ZEB1: variants seen among roughly 807,000 people sequenced by gnomAD.
ZEB1 encodes the protein zinc finger E-box binding homeobox 1.
Under a neutral mutation model 84.9 loss-of-function variants are expected in ZEB1, and 21 were observed. The observed-to-expected ratio is 0.25, with a 90% CI of 0.18 to 0.36. ZEB1 has a LOEUF of 0.36. Ranked by LOEUF, ZEB1 falls within the 10% of genes least tolerant of loss-of-function variation. The probability of loss-of-function intolerance (pLI) is 1.00; values close to 1 mark genes in which losing one functional copy is unlikely to be tolerated. For missense variants in ZEB1, 1,104 were observed against 1,330.2 expected, an observed-to-expected ratio of 0.83 and a Z score of 2.65; for synonymous variants, 420 against 471.1, an observed-to-expected ratio of 0.89 and a Z score of 1.41.
intron 1 of ZEB1, among the ~76,000 whole-genome samples, chr10:31,351,275 T>C (rs2133864929): frequency 6.6e-6 from 1 of 152,332 alleles, no homozygotes; most frequent in East Asian, 1.9e-4. Context: ...CAAAATAGGA[T>C]TTTATTTCTG....
At chr10:31,413,832 C>T (rs572062991) in intron 1 of ZEB1, among the ~76,000 whole-genome samples, 4 of 152,170 alleles carry the variant, frequency 2.6e-5, no homozygotes, top group South Asian at 4.2e-4. Context: ...AATTTCATAG[C>T]GATTAACTTG....
At chr10:31,420,372 C>T (rs560877916) in intron 1 of ZEB1, among the ~76,000 whole-genome samples, 2 of 152,232 alleles carry the variant, frequency 1.3e-5, no homozygotes, top group South Asian at 2.1e-4. Flanking sequence ...AGCTCAGGGT[C>T]CTCTTCCAAG....
intron 4 of ZEB1, among the ~76,000 whole-genome samples, chr10:31,506,058 T>C (rs2068925412): frequency 6.6e-6 from 1 of 152,078 alleles, no homozygotes; most frequent in Non-Finnish European, 1.5e-5. Context: ...TTAATTTTCA[T>C]GTGTGTGTAG....
intron 2 of ZEB1, among the ~76,000 whole-genome samples, chr10:31,470,764 G>C (rs1446285825): frequency 7.2e-6 from 1 of 138,424 alleles, no homozygotes; most frequent in East Asian, 2.1e-4. Context: ...ATAATTGTCA[G>C]ATTCACCAAA....
At chr10:31,474,586 A>T (rs1591659021) in intron 2 of ZEB1, among the ~76,000 whole-genome samples, 1 of 152,156 alleles carries the variant, frequency 6.6e-6, no homozygotes, top group African/African-American at 2.4e-5. Flanking sequence ...GATGTGGAGA[A>T]ATAGGAACAC....
At chr10:31,326,274 G>A (rs991387929) in intron 1 of ZEB1, among the ~76,000 whole-genome samples, 2 of 152,088 alleles carry the variant, frequency 1.3e-5, no homozygotes, top group African/African-American at 4.8e-5. Context: ...ACCTTGCTCT[G>A]CCTTGAATAC....
intron 1 of ZEB1, chr10:31,321,879 C>G (rs2034166495): frequency 3.3e-6 from 1 of 305,744 alleles, no homozygotes; most frequent in African/African-American, 2.1e-5. Flanking sequence ...GTTTAGTTTT[C>G]TCCTGCATGT....
chr10:31,489,966 T>C (rs982714306), intron 2 of ZEB1, among the ~76,000 whole-genome samples: 34 of 151,536 alleles, frequency 2.2e-4, no homozygotes, highest in Non-Finnish European at 2.8e-4. Context: ...GATATTCTTA[T>C]TGAATTTAGA....
At chr10:31,492,812 C>T (rs940543726) in intron 2 of ZEB1, among the ~76,000 whole-genome samples, 2 of 151,910 alleles carry the variant, frequency 1.3e-5, no homozygotes, top group African/African-American at 4.8e-5. Context: ...GAATGAATCA[C>T]ATTTTCCATC....
chr10:31,359,080 A>G (rs1170212398), intron 1 of ZEB1, among the ~76,000 whole-genome samples: 2 of 152,158 alleles, frequency 1.3e-5, no homozygotes, highest in Non-Finnish European at 2.9e-5. Flanking sequence ...CTTGGCTGTT[A>G]TTTAGAATTG....
intron 1 of ZEB1, chr10:31,363,636 A>G (rs1433101481): frequency 1.3e-6 from 2 of 1,488,054 alleles, no homozygotes; most frequent in Admixed American, 2.0e-5. Flanking sequence ...TCACCTGATC[A>G]TCTAATGAAG....
chr10:31,455,422 T>C (rs1248152480), intron 1 of ZEB1, among the ~76,000 whole-genome samples: 4 of 152,116 alleles, frequency 2.6e-5, no homozygotes, highest in Non-Finnish European at 5.9e-5. Context: ...GGGATCTAAT[T>C]AAACTAAAGA....
rs1288212635 is a variant in ZEB1, at chr10:31,465,458, A to AT, written c.259+4221_259+4222insT. Among the ~76,000 whole-genome samples the AT allele has an allele frequency of 6.9e-3, 1,049 of 151,402 alleles. 11 individuals carry two copies. Among genetic ancestry groups the AT allele is most frequent in the African/African-American group, 0.023 (962 of 41,372 alleles). On this transcript the variant is annotated intron_variant, in intron 2 of 8. Transcript: ENST00000424869. Reference sequence around the variant, plus strand: ...AAAAGATAAACCATGCGATTGCAAAAAATATATATATATATATAAAATATC... The same window carrying AT: ...AAAAGATAAACCATGCGATTGCAAAATAATATATATATATATATAAAATATC...
chr10:31,390,457 C>A (rs2135202983), intron 1 of ZEB1, among the ~76,000 whole-genome samples: 2 of 152,296 alleles, frequency 1.3e-5, no homozygotes, highest in African/African-American at 4.8e-5. Context: ...CATATTTAAA[C>A]ATTTTACATC....
At chr10:31,425,906 G>A (rs1280886489) in intron 1 of ZEB1, among the ~76,000 whole-genome samples, 1 of 152,106 alleles carries the variant, frequency 6.6e-6, no homozygotes, top group Non-Finnish European at 1.5e-5. Flanking sequence ...AGTTGTATAT[G>A]CATACATATA....
intron 1 of ZEB1, among the ~76,000 whole-genome samples, chr10:31,382,570 CTAAT>C (rs2047886132): frequency 1.3e-5 from 2 of 151,874 alleles, no homozygotes; most frequent in Admixed American, 1.3e-4. Flanking sequence ...TGTCTTAAAA[CTAAT>C]TAGACAAAAA....
chr10:31,507,583 A>C (rs1165247770), intron 4 of ZEB1, among the ~76,000 whole-genome samples: 1 of 151,610 alleles, frequency 6.6e-6, no homozygotes, highest in Non-Finnish European at 1.5e-5. Flanking sequence ...CAAGTTCTAA[A>C]ATTCTTCTTC....
chr10:31,438,795 G>A (rs979613607), intron 1 of ZEB1, among the ~76,000 whole-genome samples: 11 of 152,318 alleles, frequency 7.2e-5, no homozygotes, highest in African/African-American at 2.2e-4. Context: ...AGTGAGCTAC[G>A]ATCATGCCAC....
In ZEB1 at chr10:31,440,190, G is replaced by A. The variant is rs180765467; in HGVS notation, c.59-20847G>A. ...AGACTTTTGGCCTGAACAACTGGAG[G>A]AATGGAATTGCCGTTTACTGAAATA... On this transcript the variant is annotated intron_variant, in intron 1 of 8. Coordinates refer to ENST00000424869, the MANE Select transcript of ZEB1 (RefSeq NM_001174096.2). 1.5e-4 allele frequency among the ~76,000 whole-genome samples: 23 copies of A among 152,238 alleles called. No homozygotes were observed. The East Asian group carries it at 4.1e-3, about 27-fold the overall frequency.
Sources: gnomAD v4.1 joint callset for allele counts (sites outside exome capture counted in the v4.1 genomes callset) on GRCh38, gnomAD v4.1.1 for gene constraint, MANE v1.5 for transcripts, NCBI Gene and HGNC (gene_info 2026-07-23, HGNC 2026-07-21) for gene names.